RAB3GAP2: variants seen among roughly 807,000 people sequenced by gnomAD.
RAB3GAP2 encodes rab3 GTPase-activating protein non-catalytic subunit.
A neutral mutation model predicts 185.3 loss-of-function variants in RAB3GAP2; 87 were observed. The observed-to-expected ratio is 0.47, with a 90% CI of 0.39 to 0.56. RAB3GAP2 has a LOEUF of 0.56. Ranked by LOEUF, RAB3GAP2 falls within the 20% of genes least tolerant of loss-of-function variation. RAB3GAP2 has a pLI of 0.00. For synonymous variants in RAB3GAP2, 554 were observed against 576.1 expected (o/e 0.96, Z 0.55); for missense variants, 1,492 against 1,638.2 (o/e 0.91, Z 1.54).
Position 220,157,505 on chromosome 1 carries a change from T to C in RAB3GAP2, c.3337-17A>G, listed in dbSNP as rs776942146. 1.2e-6 allele frequency: 2 copies of C among 1,607,932 alleles called. No individual in the cohort carries two copies. Among genetic ancestry groups the C allele is most frequent in the Non-Finnish European group, 1.7e-6 (2 of 1,175,724 alleles). On this transcript the variant is annotated splice_polypyrimidine_tract_variant and intron_variant, in intron 30 of 34. Coordinates refer to ENST00000358951, the MANE Select transcript of RAB3GAP2 (RefSeq NM_012414.4). ...AACATCTGCCTAAGGGTTTTGAGAA[T>C]GGAGGACTGTGTTCAGTAATGGAAA... is the stretch of plus-strand genomic sequence containing the variant.
At chr1:220,185,863 T>C in intron 17 of RAB3GAP2, 122 bp from the exon 18 acceptor site, 1 of 715,350 alleles carries the variant, frequency 1.4e-6, no homozygotes, top group South Asian at 1.6e-5. Flanking sequence ...ATATTTAAGA[T>C]GTTTTAGTGT....
Position 220,170,925 on chromosome 1 carries a change from G to A in RAB3GAP2, c.2773C>T (p.Leu925Phe), listed in dbSNP as rs2102858839. ...SSLQAEPLPR[L>F]SVKKLLEGGK... ...CCTTCTAATAACTTTTTAACAGAAAGCCTTGGAAGTGGCTCAGCCTGCAGT... is the reference window on the plus strand; with the variant it reads ...CCTTCTAATAACTTTTTAACAGAAAACCTTGGAAGTGGCTCAGCCTGCAGT... The change falls in exon 24 of 35, where the codon CTT (leucine) becomes TTT (phenylalanine). Residue 925 changes from leucine (L) to phenylalanine (F), a missense_variant. Leu to Phe is a conservative substitution (Grantham distance 22, BLOSUM62 0). Transcript: ENST00000358951. The A allele has an allele frequency of 6.2e-7, 1 of 1,614,012 alleles. No individual in the cohort carries two copies. Among genetic ancestry groups the A allele is most frequent in the African/African-American group, 1.3e-5 (1 of 75,002 alleles).
At chr1:220,211,194 ATG>A in intron 4 of RAB3GAP2, 192 bp from the exon 5 acceptor site, 1 of 688,716 alleles carries the variant, frequency 1.5e-6, no homozygotes. Context: ...ACAAAATGTA[ATG>A]CCACATGCAT....
rs3217443 is a variant in RAB3GAP2, at chr1:220,148,325, TAAG to T, written c.*2923_*2925del. ...TGAAAATTTATTTCACTAATATACA[TAAG>T]AAGTTCACAACAATGAACAGACAGA... On this transcript the variant is annotated 3_prime_UTR_variant, in exon 35 of 35. Coordinates refer to ENST00000358951, the MANE Select transcript of RAB3GAP2 (RefSeq NM_012414.4). 0.057 allele frequency: 8,754 copies of T among 152,876 alleles called. 351 individuals carry two copies. The highest frequency in any genetic ancestry group is 0.26 in the East Asian group (1,364 of 5,202). 9.5% of individuals were successfully genotyped at this position (152,876 alleles called of 1,614,324 possible).
chr1:220,245,588 G>C (rs1193359390), intron 1 of RAB3GAP2, among the ~76,000 whole-genome samples: 1 of 152,012 alleles, frequency 6.6e-6, no homozygotes, highest in Admixed American at 6.5e-5. Flanking sequence ...GCGAGGCTGG[G>C]GGAGGGGCGC....
At chr1:220,219,737 A>T (rs1659266581) in intron 2 of RAB3GAP2, 1 of 152,196 alleles carries the variant, frequency 6.6e-6, no homozygotes, top group African/African-American at 2.4e-5. Context: ...CTTGATGAAA[A>T]TATTGGTATA....
Position 220,267,446 on chromosome 1 carries a change from T to A in RAB3GAP2, c.115+4777A>T, listed in dbSNP as rs1306228605. On this transcript the variant is annotated intron_variant, in intron 1 of 34. Transcript: ENST00000358951. Reference sequence around the variant, plus strand: ...TTAAATAACACCCTAAGAGCCAGAATAAACTTGCTTTGTTTTTCTCTTGCC... The same window carrying A: ...TTAAATAACACCCTAAGAGCCAGAAAAAACTTGCTTTGTTTTTCTCTTGCC... The A allele has an allele frequency of 2.9e-6, 4 of 1,382,190 alleles. No individual in the cohort carries two copies. In the African/African-American group the frequency reaches 5.7e-5, roughly 20 times the overall value. 85.6% of individuals were successfully genotyped at this position (1,382,190 alleles called of 1,614,324 possible).
Position 220,213,920 on chromosome 1 carries a change from T to C in RAB3GAP2, c.240A>G (p.Leu80=). 1.9e-6 allele frequency: 3 copies of C among 1,613,194 alleles called. No individual in the cohort carries two copies. Among genetic ancestry groups the C allele is most frequent in the Non-Finnish European group, 2.5e-6 (3 of 1,179,236 alleles). The part of the protein sequence containing the change: ...QKTSWLQDCV[L]SLSPTNDLMV... Reference sequence around the variant, plus strand: ...TAAGATCATTGGTTGGAGATAAGGATAAAACACAATCTTGGAGCCAGGAAG... The same window carrying C: ...TAAGATCATTGGTTGGAGATAAGGACAAAACACAATCTTGGAGCCAGGAAG... Residue 80 remains leucine, a synonymous_variant, in exon 3 of 35, where the codon TTA becomes TTG. Transcript: ENST00000358951.
At chr1:220,178,970 A>G (rs1484025786) in intron 21 of RAB3GAP2, among the ~76,000 whole-genome samples, 4 of 152,150 alleles carry the variant, frequency 2.6e-5, no homozygotes, top group Admixed American at 2.6e-4. Flanking sequence ...ACAACATAAA[A>G]GTGTATACTG....
chr1:220,250,990 T>C (rs1171402911), intron 1 of RAB3GAP2, among the ~76,000 whole-genome samples: 2 of 152,150 alleles, frequency 1.3e-5, no homozygotes, highest in Non-Finnish European at 2.9e-5. Flanking sequence ...AATGGAGTAA[T>C]ACAAGTACTT....
At chr1:220,212,006 C>T (rs1301144685) in intron 4 of RAB3GAP2, among the ~76,000 whole-genome samples, 1 of 152,178 alleles carries the variant, frequency 6.6e-6, no homozygotes, top group African/African-American at 2.4e-5. Context: ...GATTTTCTTA[C>T]TCATTCTGAT....
intron 31 of RAB3GAP2, among the ~76,000 whole-genome samples, chr1:220,156,632 T>C (rs966504494): frequency 1.3e-5 from 2 of 152,164 alleles, no homozygotes; most frequent in Non-Finnish European, 2.9e-5. Context: ...AAGAAAGGGC[T>C]GTTGTAATAG....
intron 21 of RAB3GAP2, among the ~76,000 whole-genome samples, chr1:220,176,698 A>G (rs1001275830): frequency 1.3e-5 from 2 of 151,990 alleles, no homozygotes; most frequent in African/African-American, 4.8e-5. Flanking sequence ...CATATCTCTC[A>G]GCCCAGGACT....
At chr1:220,233,152 C>T (rs2102891866) in intron 1 of RAB3GAP2, among the ~76,000 whole-genome samples, 1 of 152,164 alleles carries the variant, frequency 6.6e-6, no homozygotes, top group Non-Finnish European at 1.5e-5. Context: ...AGTTAATTCA[C>T]ATTCAAATCA....
At chr1:220,189,869 G>A (rs1658580740) in intron 16 of RAB3GAP2, 102 bp from the exon 17 acceptor site, 3 of 1,152,278 alleles carry the variant, frequency 2.6e-6, no homozygotes, top group Non-Finnish European at 3.7e-6. Context: ...TGAGTCTAAA[G>A]GATTTTTGGG....
intron 22 of RAB3GAP2, among the ~76,000 whole-genome samples, chr1:220,172,422 TA>T (rs1199840925): frequency 3.9e-5 from 6 of 152,224 alleles, no homozygotes; most frequent in African/African-American, 1.2e-4. Flanking sequence ...CAAATCATGT[TA>T]TTTTTTTATG....
intron 1 of RAB3GAP2, among the ~76,000 whole-genome samples, chr1:220,238,883 T>C (rs1012143374): frequency 7.2e-5 from 11 of 152,240 alleles, no homozygotes; most frequent in African/African-American, 2.7e-4. Flanking sequence ...AACATAAATG[T>C]ACACCCTGTC....
At chr1:220,182,972 A>G in intron 19 of RAB3GAP2, 41 bp from the exon 20 acceptor site, 1 of 1,491,886 alleles carries the variant, frequency 6.7e-7, no homozygotes. Flanking sequence ...TTCCACATCT[A>G]TCACCCACAT....
chr1:220,197,618 G>A (rs1365133133), intron 9 of RAB3GAP2, among the ~76,000 whole-genome samples: 1 of 152,008 alleles, frequency 6.6e-6, no homozygotes, highest in Non-Finnish European at 1.5e-5. Context: ...CTTAAGTTTT[G>A]CCTGACTCCA....
Sources: gnomAD v4.1 joint callset for allele counts (sites outside exome capture counted in the v4.1 genomes callset) on GRCh38, gnomAD v4.1.1 for gene constraint, MANE v1.5 for transcripts, NCBI Gene and HGNC (gene_info 2026-07-23, HGNC 2026-07-21) for gene names.